ABLIM2: variants seen among roughly 807,000 people sequenced by gnomAD.
The protein encoded by ABLIM2 is actin-binding LIM protein 2.
In ABLIM2, 53 loss-of-function variants were observed where a neutral mutation model predicts 97.7. The observed-to-expected ratio is 0.54, with a 90% CI of 0.44 to 0.68. ABLIM2 has a LOEUF of 0.68. Among genes scored for constraint, ABLIM2 ranks in the 30% least tolerant of loss-of-function variants. The pLI, the probability that ABLIM2 is intolerant of heterozygous loss-of-function variation, is 0.00. For synonymous variants in ABLIM2, 361 were observed against 345.8 expected, an observed-to-expected ratio of 1.04 and a Z score of -0.49; for missense variants, 835 against 867.2, an observed-to-expected ratio of 0.96 and a Z score of 0.47.
intron 2 of ABLIM2, among the ~76,000 whole-genome samples, chr4:8,101,643 T>C (rs1221672434): frequency 1.3e-5 from 2 of 152,174 alleles, no homozygotes; most frequent in Non-Finnish European, 2.9e-5. Flanking sequence ...CCTGTTTTCT[T>C]GGCTCTTGCT....
chr4:8,056,788 T>C (rs1208275268), intron 7 of ABLIM2, among the ~76,000 whole-genome samples: 4 of 151,272 alleles, frequency 2.6e-5, no homozygotes, highest in South Asian at 2.1e-4. Context: ...AAAAATTAGC[T>C]GGGCATGGTG....
intron 5 of ABLIM2, among the ~76,000 whole-genome samples, chr4:8,080,461 C>G (rs1819054018): frequency 6.6e-6 from 1 of 152,194 alleles, no homozygotes; most frequent in Non-Finnish European, 1.5e-5. Flanking sequence ...GTTAGAGAAG[C>G]CAGGGCTGGC....
chr4:8,006,174 C>G (rs1434643135), intron 16 of ABLIM2, among the ~76,000 whole-genome samples: 2 of 152,242 alleles, frequency 1.3e-5, no homozygotes, highest in Non-Finnish European at 2.9e-5. Context: ...AACGAGGAAG[C>G]AGTGCACGAG....
chr4:7,981,659 A>T (rs568974946), intron 20 of ABLIM2, among the ~76,000 whole-genome samples: 2 of 152,272 alleles, frequency 1.3e-5, no homozygotes, highest in East Asian at 3.9e-4. Context: ...GTCAAAATGG[A>T]TGCATCCCAT....
chr4:7,985,009 G>A (rs1742566730), intron 17 of ABLIM2, 116 bp from the exon 18 acceptor site: 1 of 1,084,572 alleles, frequency 9.2e-7, no homozygotes, highest in Non-Finnish European at 1.4e-6. Flanking sequence ...TGCCTGGGGA[G>A]TAGGGTGTCC....
Position 8,075,074 on chromosome 4 carries a change from G to A in ABLIM2, c.675+2554C>T, listed in dbSNP as rs891699214. 2.0e-5 allele frequency among the ~76,000 whole-genome samples: 3 copies of A among 152,170 alleles called. No individual in the cohort carries two copies. The highest frequency in any genetic ancestry group is 4.4e-5 in the Non-Finnish European group (3 of 68,028). On this transcript the variant is annotated intron_variant, in intron 6 of 20. Transcript: ENST00000447017. The surrounding 1 kb of genome is among the most constrained non-coding windows in gnomAD (Gnocchi z 4.4). ...GCTGGGATTACAGGCATGAGCCACC[G>A]CTCCCGGCCCAGCCTGACAATTCTG...
intron 9 of ABLIM2, among the ~76,000 whole-genome samples, chr4:8,040,855 T>G (rs1787969945): frequency 6.6e-6 from 1 of 152,136 alleles, no homozygotes. Context: ...GTGTCAGAAT[T>G]GGGAGCACGT....
At chr4:8,088,405 A>C in intron 3 of ABLIM2, 121 bp from the exon 4 acceptor site, 1 of 728,182 alleles carries the variant, frequency 1.4e-6, no homozygotes, top group Non-Finnish European at 2.3e-6. Context: ...GGTACCACTC[A>C]CAGGCTGAGG....
rs1191268520 is a variant in ABLIM2 at position 8,019,572 on chromosome 4, C to G, written c.1423+46G>C. 6.4e-7 allele frequency: 1 copy of G among 1,563,868 alleles called. No homozygotes were observed. Among genetic ancestry groups the G allele is most frequent in the Admixed American group, 1.9e-5 (1 of 53,978 alleles). ...GCATTCAGAAGCAGATGGGTATTGA[C>G]AGGCATGCGGGGCAAACCACAGCAG... On this transcript the variant is annotated intron_variant, in intron 14 of 20. Coordinates refer to ENST00000447017, the MANE Select transcript of ABLIM2 (RefSeq NM_001130083.2). The surrounding 1 kb of genome is among the most constrained non-coding windows in gnomAD (Gnocchi z 4.3).
At chr4:8,158,534 G>C (rs982605975) in intron 1 of ABLIM2, 146 bp downstream of exon 1, 30 of 990,952 alleles carry the variant, frequency 3.0e-5, no homozygotes, top group South Asian at 1.2e-4. Flanking sequence ...GCCCCTCGGG[G>C]CTGCAAAATC....
intron 14 of ABLIM2, among the ~76,000 whole-genome samples, chr4:8,009,913 G>A (rs113819933): frequency 0.018 from 2,793 of 152,242 alleles, 88 homozygotes; most frequent in African/African-American, 0.063. Flanking sequence ...GCAAGTGGGC[G>A]GTAGGGGCCA....
chr4:8,017,724 C>T (rs987994569), intron 14 of ABLIM2, among the ~76,000 whole-genome samples: 7 of 152,130 alleles, frequency 4.6e-5, no homozygotes, highest in African/African-American at 1.7e-4. Context: ...CCAGGTGCAG[C>T]GGCTCACCCC....
At chr4:7,985,534 C>A (rs1225563097) in intron 17 of ABLIM2, among the ~76,000 whole-genome samples, 1 of 152,200 alleles carries the variant, frequency 6.6e-6, no homozygotes, top group South Asian at 2.1e-4. Context: ...CAAAGTCCAT[C>A]CACCCCAAAT....
In ABLIM2 at chr4:8,060,171, C is replaced by T. The variant is rs950002619; in HGVS notation, c.763+796G>A. ...CTCCCTCCTCCCCTGCCACTGGATACCTGCATTGTGAAGGTATAAAGGGTA... is the reference window on the plus strand; with the variant it reads ...CTCCCTCCTCCCCTGCCACTGGATATCTGCATTGTGAAGGTATAAAGGGTA... On this transcript the variant is annotated intron_variant, in intron 7 of 20. Coordinates refer to ENST00000447017, the MANE Select transcript of ABLIM2 (RefSeq NM_001130083.2). Among the ~76,000 whole-genome samples, 4 of 152,120 alleles carry T rather than the reference C, an allele frequency of 2.6e-5. No individual in the cohort carries two copies. The South Asian group carries it at 8.3e-4, about 32-fold the overall frequency.
intron 2 of ABLIM2, among the ~76,000 whole-genome samples, chr4:8,098,815 G>A (rs111478038): frequency 6.6e-6 from 1 of 152,200 alleles, no homozygotes; most frequent in Non-Finnish European, 1.5e-5. Flanking sequence ...TGAGACCTGA[G>A]TCCTGCCTGG....
rs1157714664 is a variant in ABLIM2, at chr4:8,127,500, G to T, written c.11-20863C>A. The T allele has an allele frequency of 7.8e-7, 1 of 1,289,426 alleles. No individual in the cohort carries two copies. The highest frequency in any genetic ancestry group is 1.0e-6 in the Non-Finnish European group (1 of 988,632). 79.9% of individuals were successfully genotyped at this position (1,289,426 alleles called of 1,614,324 possible). On this transcript the variant is annotated intron_variant, in intron 1 of 20. Transcript: ENST00000447017. The surrounding 1 kb of genome is among the most constrained non-coding windows in gnomAD (Gnocchi z 7.3). ...CCTGAAGCTGACTCATGGAGCTCAC[G>T]GCTCCCAGCCGGATGGTCTGGGCAA...
At chr4:8,078,011 G>T (rs528325012) in intron 5 of ABLIM2, among the ~76,000 whole-genome samples, 1 of 152,316 alleles carries the variant, frequency 6.6e-6, no homozygotes, top group African/African-American at 2.4e-5. Context: ...TCTGGGAAAC[G>T]AGAGCTGCTT....
chr4:7,975,346 A>G (rs1214545749), intron 20 of ABLIM2, among the ~76,000 whole-genome samples: 1 of 152,218 alleles, frequency 6.6e-6, no homozygotes, highest in Non-Finnish European at 1.5e-5. Context: ...CCCGCTCTGC[A>G]TGTTGGCACC....
rs146844477 is a variant in ABLIM2, at chr4:8,072,806, G to A, written c.675+4822C>T. 6.6e-6 allele frequency among the ~76,000 whole-genome samples: 1 copy of A among 152,290 alleles called. No individual in the cohort carries two copies. The highest frequency in any genetic ancestry group is 1.9e-4 in the East Asian group (1 of 5,164). On this transcript the variant is annotated intron_variant, in intron 6 of 20. Transcript: ENST00000447017. This position sits in a 1 kb window ranked among gnomAD's most constrained non-coding sequence, Gnocchi z 5.8. ...CTGGCTGAGCATCAGAGCCACCAGC[G>A]CATAAGAGGAGCAGGGTCAGGGACA...
Sources: allele counts gnomAD v4.1 joint callset (sites outside exome capture counted in the v4.1 genomes callset), GRCh38; gene constraint gnomAD v4.1.1; non-coding constraint Gnocchi (gnomAD v3.1); transcripts MANE v1.5; gene names NCBI Gene and HGNC (gene_info 2026-07-23, HGNC 2026-07-21).